The following HVCN1 variants were observed in gnomAD, a reference collection of about 807,000 sequenced individuals.
HVCN1 encodes voltage-gated hydrogen channel 1.
A neutral mutation model predicts 29.2 loss-of-function variants in HVCN1; 14 were observed. The observed-to-expected ratio is 0.48, with a 90% confidence interval of 0.32 to 0.75. The LOEUF is 0.75. HVCN1 is among the 30% of genes least tolerant of loss of function. HVCN1 has a pLI of 0.04. For synonymous variants in HVCN1, 131 were observed against 133.2 expected, an observed-to-expected ratio of 0.98 and a Z score of 0.11; for missense variants, 263 against 341.8, an observed-to-expected ratio of 0.77 and a Z score of 1.82.
Position 110,696,436 on chromosome 12 carries a change from C to T in HVCN1, c.-104+5873G>A, listed in dbSNP as rs12582600. Among the ~76,000 whole-genome samples the T allele has an allele frequency of 1.1e-4, 17 of 152,126 alleles. No individual in the cohort carries two copies. In the East Asian group the frequency reaches 2.7e-3, roughly 24 times the overall value. On this transcript the variant is annotated intron_variant, in intron 2 of 4. Coordinates refer to the HVCN1 transcript ENST00000546713. ...CAAAAGGAAACACTGTCAAAGGCCC[C>T]GTACATAGTGGCATGCACCTGGAAT...
At chr12:110,651,961 A>G (rs2067828432) in intron 5 of HVCN1, among the ~76,000 whole-genome samples, 1 of 152,228 alleles carries the variant, frequency 6.6e-6, no homozygotes, top group Non-Finnish European at 1.5e-5. Context: ...CCAAGAGCCC[A>G]GTTTGAGGCC....
At chr12:110,665,289 G>C (rs892328053) in intron 3 of HVCN1, among the ~76,000 whole-genome samples, 3 of 152,194 alleles carry the variant, frequency 2.0e-5, no homozygotes, top group Non-Finnish European at 4.4e-5. Flanking sequence ...TGGGTGCAGT[G>C]GCTCATGCCT....
chr12:110,687,171 G>C (rs1445766130), intron 2 of HVCN1, among the ~76,000 whole-genome samples: 1 of 151,806 alleles, frequency 6.6e-6, no homozygotes, highest in Non-Finnish European at 1.5e-5. Context: ...AGGTGAAGAG[G>C]AAAGGGCAAG....
chr12:110,694,313 T>G (rs978409599), upstream of HVCN1, among the ~76,000 whole-genome samples: 2 of 152,216 alleles, frequency 1.3e-5, no homozygotes, highest in Non-Finnish European at 2.9e-5. The surrounding 1 kb of genome is among the most constrained non-coding windows in gnomAD (Gnocchi z 4.6). Context: ...CCTCCCGCCT[T>G]GGTCTCTCAA....
At chr12:110,660,534 C>T (rs963452100) in intron 4 of HVCN1, among the ~76,000 whole-genome samples, 1 of 152,170 alleles carries the variant, frequency 6.6e-6, no homozygotes, top group African/African-American at 2.4e-5. Context: ...TTTCTGTCTC[C>T]GTTATTTACC....
chr12:110,689,581 C>G (rs1362272285), upstream of HVCN1: 2 of 152,940 alleles, frequency 1.3e-5, no homozygotes. The surrounding 1 kb of genome is among the most constrained non-coding windows in gnomAD (Gnocchi z 5.7). Context: ...TCCTTGGCCT[C>G]GTCCCCTGCA....
chr12:110,682,331 C>T (rs943858662), intron 3 of HVCN1, among the ~76,000 whole-genome samples: 3 of 152,110 alleles, frequency 2.0e-5, no homozygotes, highest in African/African-American at 7.2e-5. Context: ...TCCCTAGTAG[C>T]TGGGATTACA....
intron 5 of HVCN1, among the ~76,000 whole-genome samples, chr12:110,653,898 A>T (rs2067899655): frequency 6.6e-6 from 1 of 152,130 alleles, no homozygotes; most frequent in Non-Finnish European, 1.5e-5. Context: ...GGGACTATTG[A>T]TCTTATTTTA....
chr12:110,691,781 C>G (rs563529219), upstream of HVCN1, among the ~76,000 whole-genome samples: 40 of 152,318 alleles, frequency 2.6e-4, no homozygotes, highest in African/African-American at 7.9e-4. Context: ...TACCTTCCCC[C>G]ATCCCTTCCC....
intron 4 of HVCN1, among the ~76,000 whole-genome samples, chr12:110,660,753 G>A (rs1215391437): frequency 6.6e-6 from 1 of 152,148 alleles, no homozygotes; most frequent in Non-Finnish European, 1.5e-5. Flanking sequence ...GGATTTGCCT[G>A]TTCTAGATGT....
intron 2 of HVCN1, among the ~76,000 whole-genome samples, chr12:110,683,530 T>C (rs1459227056): frequency 6.6e-6 from 1 of 151,858 alleles, no homozygotes; most frequent in African/African-American, 2.4e-5. Context: ...AGCCAAAAGG[T>C]GGAAACGACC....
Position 110,661,587 on chromosome 12 carries a change from AC to A in HVCN1, c.22-140del. ...CCCTGCAAGCAGAGACCATGAGGTCACGGTGGTTTCTCGTGCTTTTATTTTT... is the reference window on the plus strand; with the variant it reads ...CCCTGCAAGCAGAGACCATGAGGTCAGGTGGTTTCTCGTGCTTTTATTTTT... On this transcript the variant is annotated intron_variant, in intron 3 of 7. Transcript: ENST00000242607. This position sits in a 1 kb window ranked among gnomAD's most constrained non-coding sequence, Gnocchi z 6.2. 1 of 733,678 alleles carries A rather than the reference AC, an allele frequency of 1.4e-6. No homozygotes were observed. Among genetic ancestry groups the A allele is most frequent in the African/African-American group, 1.8e-5 (1 of 56,502 alleles). 45.4% of individuals were successfully genotyped at this position (733,678 alleles called of 1,614,324 possible). A position where few individuals can be genotyped will look rare whatever the true frequency, so the allele number is the denominator to read the frequency against.
At position 110,683,230 on chromosome 12, in the gene HVCN1, C is replaced by T. The variant is rs147424254; in HGVS notation, c.16G>A (p.Glu6Lys). Residue 6 changes from glutamate (E) to lysine (K), a missense_variant, in exon 3 of 8, where the codon GAA (glutamate) becomes AAA (lysine). Glu to Lys is a moderately conservative substitution (Grantham distance 56). Coordinates refer to ENST00000242607, the MANE Select transcript of HVCN1 (RefSeq NM_032369.4). ...AAGACCACAGAATCCATTACCTTTT[C>T]GTCCCAGGTGGCCATGTCCCTGTTG... MATWD[E>K]KAVTRRAKVA... 2.4e-4 allele frequency: 393 copies of T among 1,612,646 alleles called. No homozygotes were observed. The East Asian group carries it at 8.2e-3, about 33-fold the overall frequency.
chr12:110,668,593 T>C (rs1027934514), intron 3 of HVCN1, among the ~76,000 whole-genome samples: 1 of 152,206 alleles, frequency 6.6e-6, no homozygotes, highest in African/African-American at 2.4e-5. Flanking sequence ...TGCCTGCCTC[T>C]GCATCCCTCA....
At chr12:110,692,442 G>C (rs75443169), upstream of HVCN1, among the ~76,000 whole-genome samples, 4,673 of 152,280 alleles carry the variant, frequency 0.031, 243 homozygotes, top group African/African-American at 0.11. Flanking sequence ...GGAGAAGGCC[G>C]GGCATGGTGG....
chr12:110,664,882 T>C (rs1277499334), intron 3 of HVCN1, among the ~76,000 whole-genome samples: 1 of 152,192 alleles, frequency 6.6e-6, no homozygotes, highest in African/African-American at 2.4e-5. Context: ...TGCTGTGAGC[T>C]GAACAACTAC....
upstream of HVCN1, chr12:110,689,742 C>T (rs1566068130): frequency 6.6e-6 from 1 of 152,434 alleles, no homozygotes. The surrounding 1 kb of genome is among the most constrained non-coding windows in gnomAD (Gnocchi z 5.7). Context: ...CAGCCCCTGC[C>T]TGTCCTGGGC....
intron 2 of HVCN1, among the ~76,000 whole-genome samples, chr12:110,696,341 T>A (rs1265590997): frequency 6.6e-6 from 1 of 152,180 alleles, no homozygotes; most frequent in African/African-American, 2.4e-5. Flanking sequence ...ATACGGCTGG[T>A]GGCATTTAGT....
At chr12:110,686,747 A>G (rs1359403753) in intron 2 of HVCN1, among the ~76,000 whole-genome samples, 3 of 152,250 alleles carry the variant, frequency 2.0e-5, no homozygotes, top group East Asian at 3.8e-4. Context: ...ATGTGCACAC[A>G]TTCCTGGGGA....
Sources: gnomAD v4.1 joint callset for allele counts (sites outside exome capture counted in the v4.1 genomes callset) on GRCh38, gnomAD v4.1.1 for gene constraint, Gnocchi (gnomAD v3.1) non-coding constraint, MANE v1.5 for transcripts, NCBI Gene and HGNC (gene_info 2026-07-23, HGNC 2026-07-21) for gene names.